The following USP12 variants were observed in gnomAD, a reference collection of about 807,000 sequenced individuals.
USP12 encodes the protein ubiquitin carboxyl-terminal hydrolase 12.
In USP12, 19 loss-of-function variants were observed where a neutral mutation model predicts 45.5. That is an observed-to-expected ratio of 0.42 (90% confidence interval 0.29 to 0.61). The LOEUF is 0.61. Ranked by LOEUF, USP12 falls within the 20% of genes least tolerant of loss-of-function variation. The pLI is 0.22. For synonymous variants in USP12, 149 were observed against 148.8 expected, an observed-to-expected ratio of 1.00 and a Z score of -0.01; for missense variants, 242 against 447.7, an observed-to-expected ratio of 0.54 and a Z score of 4.15.
intron 1 of USP12, chr13:27,117,855 A>T (rs1471250640): frequency 1.9e-6 from 1 of 517,628 alleles, no homozygotes; most frequent in African/African-American, 1.9e-5. Flanking sequence ...TGTGAAAGGG[A>T]GGGGGAGAAA....
chr13:27,097,020 AATT>A (rs1874611525), intron 3 of USP12, among the ~76,000 whole-genome samples: 1 of 152,120 alleles, frequency 6.6e-6, no homozygotes, highest in African/African-American at 2.4e-5. Context: ...GAAACCTGAA[AATT>A]ATTAACATTT....
rs10507376 is a variant in USP12 at position 27,069,611 on chromosome 13, T to A, written c.1012-227A>T. ...AGCAATTCTACTTCTAGGTACAGGA[T>A]GAATTATATGAAACCACTAATAACT... On this transcript the variant is annotated intron_variant, in intron 8 of 8. Transcript: ENST00000282344. Among the ~76,000 whole-genome samples the A allele has an allele frequency of 0.055, 8,330 of 152,260 alleles. 257 individuals are homozygous for A. The highest frequency in any genetic ancestry group is 0.08 in the Admixed American group (1,223 of 15,290).
intron 1 of USP12, among the ~76,000 whole-genome samples, chr13:27,157,168 C>A (rs1011476610): frequency 6.6e-6 from 1 of 152,116 alleles, no homozygotes; most frequent in Admixed American, 6.5e-5. Flanking sequence ...ATATATTCTG[C>A]GTAATAGTTA....
At chr13:27,086,194 AAAAAT>A (rs1874025922) in intron 6 of USP12, among the ~76,000 whole-genome samples, 1 of 93,038 alleles carries the variant, frequency 1.1e-5, no homozygotes, top group Non-Finnish European at 2.2e-5. Context: ...AAAAAAAAAA[AAAAAT>A]ATATATATAT....
intron 2 of USP12, among the ~76,000 whole-genome samples, chr13:27,115,070 C>G (rs1044090011): frequency 2.0e-5 from 3 of 152,074 alleles, no homozygotes; most frequent in African/African-American, 7.2e-5. Context: ...GGAGCTGTGG[C>G]CCCTGTAGAT....
intron 6 of USP12, among the ~76,000 whole-genome samples, chr13:27,078,416 A>G (rs1293151960): frequency 1.3e-5 from 2 of 150,524 alleles, no homozygotes; most frequent in East Asian, 3.8e-4. Context: ...CCTGGAACCA[A>G]CTGATACGGA....
chr13:27,171,326 C>G (rs1878597026), intron 1 of USP12, among the ~76,000 whole-genome samples: 1 of 149,206 alleles, frequency 6.7e-6, no homozygotes, highest in South Asian at 2.1e-4. Context: ...GACGCCGCGT[C>G]TGGCACGGTC....
At chr13:27,102,947 G>A (rs1011655028) in intron 3 of USP12, among the ~76,000 whole-genome samples, 1 of 152,222 alleles carries the variant, frequency 6.6e-6, no homozygotes, top group African/African-American at 2.4e-5. Context: ...CACTGTTGCT[G>A]TACTCTATGC....
At chr13:27,089,769 G>C (rs951858641) in intron 6 of USP12, 114 bp downstream of exon 6, 2 of 950,674 alleles carry the variant, frequency 2.1e-6, no homozygotes, top group South Asian at 1.6e-5. Context: ...GTTAGTGATA[G>C]AATTAAGAAT....
intron 6 of USP12, 74 bp downstream of exon 6, chr13:27,089,809 T>C (rs1874231968): frequency 3.4e-6 from 5 of 1,463,502 alleles, no homozygotes; most frequent in Non-Finnish European, 4.7e-6. Context: ...TCCTAGATTG[T>C]TTTTCTAAGC....
rs145383229 is a variant in USP12, at chr13:27,159,848, G to A, written c.48+11744C>T. 4.0e-3 allele frequency among the ~76,000 whole-genome samples: 607 copies of A among 152,252 alleles called. 1 individual carries two copies. The highest frequency in any genetic ancestry group is 6.4e-3 in the Non-Finnish European group (432 of 68,012). ...TAACATAAAATGGCAAGAACATCAC[G>A]GTAGGCTATTAGCACTGAAATGGTA... On this transcript the variant is annotated intron_variant, in intron 1 of 8. Coordinates refer to ENST00000282344, the MANE Select transcript of USP12 (RefSeq NM_182488.4).
At position 27,076,029 on chromosome 13, in the gene USP12, C is replaced by CAAAAAAAAAA. The variant is rs11458818; in HGVS notation, c.735-651_735-642dup. On this transcript the variant is annotated intron_variant, in intron 6 of 8. Transcript: ENST00000282344. Reference sequence around the variant, plus strand: ...TGGGTGACAGAGCAAGGCTCCGTCTCAAAAAAAAAAAAAAAAAAGAGTGGT... The same window carrying CAAAAAAAAAA: ...TGGGTGACAGAGCAAGGCTCCGTCTCAAAAAAAAAAAAAAAAAAAAAAAAAAAAGAGTGGT... Among the ~76,000 whole-genome samples, 147 of 97,984 alleles carry CAAAAAAAAAA rather than the reference C, an allele frequency of 1.5e-3. 3 individuals carry two copies. Among genetic ancestry groups the CAAAAAAAAAA allele is most frequent in the African/African-American group, 5.5e-3 (129 of 23,396 alleles). The allele number at this position is 97,984 out of a possible 152,430, so 64.3% of individuals were successfully genotyped here.
chr13:27,160,189 T>A (rs903717633), intron 1 of USP12, among the ~76,000 whole-genome samples: 1 of 152,208 alleles, frequency 6.6e-6, no homozygotes, highest in Non-Finnish European at 1.5e-5. Context: ...ACTTGTATCT[T>A]TTTAGTTAAA....
At chr13:27,138,266 G>C (rs561385052) in intron 1 of USP12, among the ~76,000 whole-genome samples, 1 of 152,236 alleles carries the variant, frequency 6.6e-6, no homozygotes, top group African/African-American at 2.4e-5. Flanking sequence ...ACTCCGAAAG[G>C]CTCAGGGAGC....
intron 6 of USP12, among the ~76,000 whole-genome samples, chr13:27,083,859 T>C (rs913982767): frequency 4.9e-5 from 6 of 122,954 alleles, no homozygotes; most frequent in African/African-American, 1.9e-4. Context: ...TTTGGGAGAA[T>C]ATATATATAT....
At chr13:27,105,313 T>C (rs2137785851) in intron 3 of USP12, among the ~76,000 whole-genome samples, 1 of 152,122 alleles carries the variant, frequency 6.6e-6, no homozygotes, top group East Asian at 1.9e-4. Context: ...ACGGCTAAAA[T>C]GGGGGAAATG....
At chr13:27,074,228 G>A (rs1463937131) in intron 7 of USP12, among the ~76,000 whole-genome samples, 15 of 151,968 alleles carry the variant, frequency 9.9e-5, no homozygotes, top group Admixed American at 7.9e-4. Flanking sequence ...GTGAAACCCC[G>A]TCTCTACTAA....
intron 1 of USP12, among the ~76,000 whole-genome samples, chr13:27,128,677 AAAT>A (rs1876355063): frequency 6.6e-6 from 1 of 152,190 alleles, no homozygotes; most frequent in Non-Finnish European, 1.5e-5. Flanking sequence ...CTATTCCACC[AAAT>A]AATGTTTCAG....
At position 27,068,082 on chromosome 13, in the gene USP12, G is replaced by A. The variant is rs1873078966; in HGVS notation, c.*1201C>T. The A allele has an allele frequency of 6.6e-6, 1 of 152,134 alleles. No individual in the cohort carries two copies. Among genetic ancestry groups the A allele is most frequent in the Non-Finnish European group, 1.5e-5 (1 of 68,014 alleles). 9.4% of individuals were successfully genotyped at this position (152,134 alleles called of 1,614,324 possible). ...CTTGATTAAAATTTAATCTTTGAAG[G>A]GTTTGTTTAGCTCACTATCCAGGCT... is the stretch of plus-strand genomic sequence containing the variant. On this transcript the variant is annotated 3_prime_UTR_variant, in exon 9 of 9. Coordinates refer to ENST00000282344, the MANE Select transcript of USP12 (RefSeq NM_182488.4).
Sources: gnomAD v4.1 joint callset for allele counts (sites outside exome capture counted in the v4.1 genomes callset) on GRCh38, gnomAD v4.1.1 for gene constraint, MANE v1.5 for transcripts, NCBI Gene and HGNC (gene_info 2026-07-23, HGNC 2026-07-21) for gene names.